NAA20: variants seen among roughly 807,000 people sequenced by gnomAD.
The protein encoded by NAA20 is N-alpha-acetyltransferase 20, NatB catalytic subunit.
NAA20 carries 24 observed loss-of-function variants against 23.8 expected under a neutral mutation model. That is an observed-to-expected ratio of 1.01 (90% CI 0.73 to 1.42). The LOEUF (loss-of-function observed/expected upper bound fraction) is 1.42, where lower values mean the gene tolerates loss of function less well. Ranked by LOEUF, NAA20 falls within the 40% of genes most tolerant of loss-of-function variation. The probability of loss-of-function intolerance (pLI) is 0.00; values close to 1 mark genes in which losing one functional copy is unlikely to be tolerated. For synonymous variants in NAA20, 83 were observed against 77.7 expected (o/e 1.07, Z -0.36); for missense variants, 166 against 223.1 (o/e 0.74, Z 1.63).
At chr20:20,030,652 TA>T (rs1409215704) in intron 4 of NAA20, among the ~76,000 whole-genome samples, 3 of 151,962 alleles carry the variant, frequency 2.0e-5, no homozygotes, top group African/African-American at 7.2e-5. Context: ...TATTTAGAAT[TA>T]ATAAAAGGCA....
intron 1 of NAA20, chr20:20,017,731 G>A (rs1181279313): frequency 4.9e-6 from 7 of 1,431,418 alleles, no homozygotes; most frequent in South Asian, 1.5e-5. Context: ...CAGCGCTCGG[G>A]CCTCCGCTCG....
Position 20,018,927 on chromosome 20 carries a change from C to T in NAA20, c.53+1478C>T, listed in dbSNP as rs184286178. On this transcript the variant is annotated intron_variant, in intron 1 of 5. Coordinates refer to ENST00000334982, the MANE Select transcript of NAA20 (RefSeq NM_016100.5). ...GGATATTGGCTCTGGAGCAGTGGTT[C>T]TGAAAGACTTGGTGCCTGTGGTCAG... The T allele has an allele frequency of 7.1e-4, 697 of 985,402 alleles. 4 individuals are homozygous for T. In the African/African-American group the frequency reaches 0.011, roughly 16 times the overall value. The allele number at this position is 985,402 out of a possible 1,614,324, so 61.0% of individuals were successfully genotyped here.
Position 20,025,750 on chromosome 20 carries a change from G to A in NAA20, c.152G>A (p.Gly51Glu). 6.2e-7 allele frequency: 1 copy of A among 1,603,576 alleles called. No homozygotes were observed. Among genetic ancestry groups the A allele is most frequent in the Non-Finnish European group, 8.5e-7 (1 of 1,170,466 alleles). ...EYFIVAEAPG[G>E]ELMGYIMGKA... Reference sequence around the variant, plus strand: ...TTCATTGTTGCAGAGGCACCTGGTGGAGAATTAATGGGTTATAGTAAGTAT... The same window carrying A: ...TTCATTGTTGCAGAGGCACCTGGTGAAGAATTAATGGGTTATAGTAAGTAT... Residue 51 changes from glycine (G) to glutamate (E), a missense_variant, in exon 3 of 6, where the codon GGA (glycine) becomes GAA (glutamate). Physicochemically the swap from Gly to Glu is moderately conservative, Grantham distance 98. Transcript: ENST00000334982.
intron 5 of NAA20, 110 bp downstream of exon 5, chr20:20,032,763 T>G: frequency 6.7e-6 from 9 of 1,351,542 alleles, no homozygotes; most frequent in Non-Finnish European, 8.7e-6. Context: ...GACTTTAAAA[T>G]TTAAATTTCC....
chr20:20,028,725 A>G (rs560735498), intron 4 of NAA20, among the ~76,000 whole-genome samples: 71 of 152,330 alleles, frequency 4.7e-4, no homozygotes, highest in Non-Finnish European at 6.3e-4. Flanking sequence ...ATATACATGT[A>G]TACATAGTGC....
intron 1 of NAA20, chr20:20,017,862 C>A (rs2043242373): frequency 1.3e-6 from 2 of 1,565,008 alleles, no homozygotes; most frequent in Admixed American, 1.7e-5. Flanking sequence ...CGCGCCTCTT[C>A]TGGGCAGAGG....
intron 1 of NAA20, among the ~76,000 whole-genome samples, chr20:20,021,072 C>T (rs947775077): frequency 2.7e-5 from 4 of 147,282 alleles, no homozygotes; most frequent in Non-Finnish European, 4.5e-5. Context: ...AAGACTTCTT[C>T]CTGTTTTCTC....
chr20:20,030,416 T>C (rs1038191277), intron 4 of NAA20, among the ~76,000 whole-genome samples: 1 of 152,202 alleles, frequency 6.6e-6, no homozygotes, highest in Non-Finnish European at 1.5e-5. Flanking sequence ...GGGAACTTCC[T>C]TAACCTGAAA....
At chr20:20,021,580 C>T (rs2043268660) in intron 1 of NAA20, among the ~76,000 whole-genome samples, 1 of 152,110 alleles carries the variant, frequency 6.6e-6, no homozygotes, top group South Asian at 2.1e-4. Flanking sequence ...TTTTAAATCT[C>T]AGTAGATATT....
At chr20:20,023,595 A>G (rs1371101679) in intron 2 of NAA20, among the ~76,000 whole-genome samples, 1 of 152,238 alleles carries the variant, frequency 6.6e-6, no homozygotes, top group Non-Finnish European at 1.5e-5. Flanking sequence ...CTAGTGGCTT[A>G]CAACACAAAG....
At chr20:20,024,344 G>T (rs571264380) in intron 2 of NAA20, among the ~76,000 whole-genome samples, 1 of 152,142 alleles carries the variant, frequency 6.6e-6, no homozygotes, top group Non-Finnish European at 1.5e-5. Flanking sequence ...TATTTAAGGT[G>T]TCTCTTCACA....
chr20:20,028,164 CAAAG>C (rs927905410), intron 4 of NAA20, among the ~76,000 whole-genome samples: 6 of 151,954 alleles, frequency 3.9e-5, no homozygotes, highest in Non-Finnish European at 7.4e-5. Flanking sequence ...CTAGACCAAA[CAAAG>C]AAGGGAAGAA....
intron 1 of NAA20, 57 bp downstream of exon 1, chr20:20,017,506 C>A (rs1035869012): frequency 6.4e-7 from 1 of 1,561,226 alleles, no homozygotes; most frequent in Non-Finnish European, 8.7e-7. Context: ...TTCCCGGCCC[C>A]GCCAGCTCCG....
At chr20:20,018,834 A>G (rs1192557824) in intron 1 of NAA20, 1 of 971,474 alleles carries the variant, frequency 1.0e-6, no homozygotes, top group East Asian at 1.1e-4. Context: ...GTATGAGTAA[A>G]CCAAGGCATG....
At chr20:20,027,839 G>C (rs2043316354) in intron 4 of NAA20, among the ~76,000 whole-genome samples, 1 of 151,722 alleles carries the variant, frequency 6.6e-6, no homozygotes, top group Admixed American at 6.6e-5. Flanking sequence ...TAGAAGAGAA[G>C]GCCCCTCCTC....
intron 1 of NAA20, among the ~76,000 whole-genome samples, chr20:20,020,756 G>C (rs1404033885): frequency 2.0e-5 from 3 of 152,232 alleles, no homozygotes; most frequent in African/African-American, 7.2e-5. Flanking sequence ...GGCTCAGTGA[G>C]GTGAGAGGAG....
chr20:20,021,705 G>A (rs1216700150), intron 1 of NAA20, among the ~76,000 whole-genome samples: 1 of 152,208 alleles, frequency 6.6e-6, no homozygotes, highest in Non-Finnish European at 1.5e-5. Context: ...GACTAGCATT[G>A]TTATGGGTCT....
chr20:20,025,567 C>T (rs765975365), intron 2 of NAA20, 110 bp from the exon 3 acceptor site: 16 of 756,490 alleles, frequency 2.1e-5, no homozygotes, highest in Non-Finnish European at 3.7e-5. Flanking sequence ...TCATACAGAG[C>T]TGGGGATAAA....
chr20:20,032,370 C>A, intron 4 of NAA20, 138 bp from the exon 5 acceptor site: 1 of 635,758 alleles, frequency 1.6e-6, no homozygotes, highest in Non-Finnish European at 2.4e-6. Context: ...ACCATGTAAT[C>A]AGCTACAAGG....
Sources: allele counts gnomAD v4.1 joint callset (sites outside exome capture counted in the v4.1 genomes callset), GRCh38; gene constraint gnomAD v4.1.1; transcripts MANE v1.5; gene names NCBI Gene and HGNC (gene_info 2026-07-23, HGNC 2026-07-21).